Variants in ARL15 observed in about 807,000 individuals in gnomAD.
ARL15 encodes the protein ADP-ribosylation factor-like protein 15.
A neutral mutation model predicts 25.2 loss-of-function variants in ARL15; 19 were observed. The ratio of observed to expected loss-of-function variants is 0.75; its 90% CI spans 0.53 to 1.10. The LOEUF is 1.10. Among genes scored for constraint, ARL15 ranks in the 50% least tolerant of loss-of-function variants. The pLI is 0.00. For missense variants in ARL15, 220 were observed against 246.0 expected (o/e 0.89, Z 0.71); for synonymous variants, 94 against 86.8 (o/e 1.08, Z -0.46).
At chr5:53,981,253 T>TCA (rs1748108047) in intron 4 of ARL15, among the ~76,000 whole-genome samples, 1 of 152,196 alleles carries the variant, frequency 6.6e-6, no homozygotes, top group Non-Finnish European at 1.5e-5. Context: ...ATAAAATAAA[T>TCA]ATTAGTAAAC....
intron 1 of ARL15, among the ~76,000 whole-genome samples, chr5:54,247,213 T>TA (rs1284198174): frequency 1.6e-5 from 2 of 124,536 alleles, no homozygotes; most frequent in Admixed American, 7.9e-5. Flanking sequence ...ATTAAGGAGT[T>TA]AAAGTTTTGT....
intron 1 of ARL15, among the ~76,000 whole-genome samples, chr5:54,182,571 G>A (rs1374976663): frequency 6.8e-5 from 10 of 147,918 alleles, no homozygotes; most frequent in Admixed American, 6.7e-4. Context: ...ATAGTTTGAA[G>A]TCAGGTAGTG....
At chr5:54,004,338 C>CA (rs1748946735) in intron 4 of ARL15, among the ~76,000 whole-genome samples, 1 of 151,812 alleles carries the variant, frequency 6.6e-6, no homozygotes, top group African/African-American at 2.4e-5. Context: ...ATTAAAAATA[C>CA]AAAAATTAGC....
At chr5:54,078,845 T>C (rs562246603) in intron 4 of ARL15, among the ~76,000 whole-genome samples, 1 of 152,304 alleles carries the variant, frequency 6.6e-6, no homozygotes, top group South Asian at 2.1e-4. Flanking sequence ...AAAATAATCA[T>C]TAAATTTTAT....
intron 4 of ARL15, among the ~76,000 whole-genome samples, chr5:54,098,614 G>GA (rs1203345474): frequency 5.3e-5 from 8 of 152,132 alleles, no homozygotes; most frequent in Non-Finnish European, 1.5e-5. Context: ...AATGAAGGGG[G>GA]AAAAAAGCAC....
chr5:54,030,509 A>G (rs914096215), intron 4 of ARL15, among the ~76,000 whole-genome samples: 2 of 152,170 alleles, frequency 1.3e-5, no homozygotes, highest in African/African-American at 4.8e-5. Context: ...ATAGGGAGTG[A>G]CTGAGGAGTG....
chr5:53,960,300 G>A (rs1174602781), intron 4 of ARL15, among the ~76,000 whole-genome samples: 2 of 152,114 alleles, frequency 1.3e-5, no homozygotes, highest in Non-Finnish European at 2.9e-5. Flanking sequence ...TTAAAAACAA[G>A]AACACTAAAA....
chr5:53,941,645 C>T (rs1369431788), intron 4 of ARL15, among the ~76,000 whole-genome samples: 1 of 152,172 alleles, frequency 6.6e-6, no homozygotes, highest in Non-Finnish European at 1.5e-5. Flanking sequence ...TCTCCATAAC[C>T]AGAACCCACA....
chr5:54,191,770 A>G (rs1052752447), intron 1 of ARL15, among the ~76,000 whole-genome samples: 5 of 152,144 alleles, frequency 3.3e-5, no homozygotes, highest in African/African-American at 1.2e-4. Context: ...CAAAAGCCTC[A>G]CACTGGCTCC....
intron 3 of ARL15, among the ~76,000 whole-genome samples, chr5:54,132,637 G>C (rs1035592585): frequency 6.6e-6 from 1 of 151,994 alleles, no homozygotes; most frequent in Admixed American, 6.6e-5. Flanking sequence ...CTACTCCATA[G>C]ATAGGGGCTG....
chr5:53,912,071 C>T (rs536700047), intron 4 of ARL15: 7 of 151,846 alleles, frequency 4.6e-5, no homozygotes, highest in Non-Finnish European at 1.0e-4. Context: ...ACAGGAGCCA[C>T]GCTAATCTCT....
intron 4 of ARL15, among the ~76,000 whole-genome samples, chr5:54,080,918 A>G (rs950823915): frequency 1.3e-5 from 2 of 151,948 alleles, no homozygotes; most frequent in African/African-American, 4.8e-5. Context: ...TTCTGGTGAG[A>G]CCTCTCCTGG....
intron 4 of ARL15, among the ~76,000 whole-genome samples, chr5:53,893,730 T>C: frequency 6.6e-6 from 1 of 152,218 alleles, no homozygotes; most frequent in African/African-American, 2.4e-5. Flanking sequence ...CAGAGGCTCA[T>C]GAAGCCAGCT....
chr5:53,941,347 C>T (rs1721248732), intron 4 of ARL15, among the ~76,000 whole-genome samples: 1 of 152,080 alleles, frequency 6.6e-6, no homozygotes, highest in African/African-American at 2.4e-5. Flanking sequence ...CAGAATGAAA[C>T]AGATAATAAA....
intron 4 of ARL15, among the ~76,000 whole-genome samples, chr5:54,021,006 G>T (rs1749584385): frequency 6.6e-6 from 1 of 151,556 alleles, no homozygotes; most frequent in South Asian, 2.1e-4. Flanking sequence ...ACAGATATCA[G>T]AATTTTCTGA....
intron 4 of ARL15, among the ~76,000 whole-genome samples, chr5:53,926,974 G>A (rs1746051383): frequency 6.7e-6 from 1 of 149,590 alleles, no homozygotes; most frequent in Middle Eastern, 3.2e-3. Flanking sequence ...AAGTCCAAAA[G>A]CCTCTCTAGC....
chr5:54,171,656 GT>G (rs1470746684), intron 2 of ARL15, 127 bp downstream of exon 2: 3 of 1,159,138 alleles, frequency 2.6e-6, no homozygotes, highest in Admixed American at 6.3e-5. Flanking sequence ...AAGAGATAGT[GT>G]TTAAAATTAA....
chr5:54,291,239 C>T lies in ARL15; in HGVS notation c.48+19193G>A, dbSNP rs72756286. ...TCCACCCTGAACTTCAATAAGTGGT[C>T]CTCAGATGAGAAAAGAGAACAGATA... On this transcript the variant is annotated intron_variant, in intron 1 of 4. Coordinates refer to ENST00000504924, the MANE Select transcript of ARL15 (RefSeq NM_019087.3). Among the ~76,000 whole-genome samples, 1,499 of 152,278 alleles carry T rather than the reference C, an allele frequency of 9.8e-3. 9 individuals carry two copies. Among genetic ancestry groups the T allele is most frequent in the Middle Eastern group, 0.02 (6 of 294 alleles).
intron 4 of ARL15, among the ~76,000 whole-genome samples, chr5:54,086,198 G>GCCAC (rs1377204132): frequency 2.6e-5 from 4 of 152,142 alleles, no homozygotes; most frequent in African/African-American, 9.7e-5. Context: ...ACAGCCATGA[G>GCCAC]CCACCGTACT....
Sources: allele counts gnomAD v4.1 joint callset (sites outside exome capture counted in the v4.1 genomes callset), GRCh38; gene constraint gnomAD v4.1.1; transcripts MANE v1.5; gene names NCBI Gene and HGNC (gene_info 2026-07-23, HGNC 2026-07-21).